The following NKAIN2 variants were observed in gnomAD, a reference collection of about 807,000 sequenced individuals.
NKAIN2 encodes the protein sodium/potassium-transporting ATPase subunit beta-1-interacting protein 2.
Under a neutral mutation model 32.6 loss-of-function variants are expected in NKAIN2, and 14 were observed. The ratio of observed to expected loss-of-function variants is 0.43; its 90% CI spans 0.28 to 0.67. NKAIN2 has a LOEUF of 0.67. Among genes scored for constraint, NKAIN2 ranks in the 30% least tolerant of loss-of-function variants. The pLI is 0.17. For missense variants in NKAIN2, 198 were observed against 258.3 expected, an observed-to-expected ratio of 0.77 and a Z score of 1.60; for synonymous variants, 80 against 87.2, an observed-to-expected ratio of 0.92 and a Z score of 0.46.
intron 3 of NKAIN2, among the ~76,000 whole-genome samples, chr6:124,442,939 G>A (rs752318797): frequency 6.6e-6 from 1 of 152,076 alleles, no homozygotes; most frequent in Non-Finnish European, 1.5e-5. Context: ...GCCTAGTTCT[G>A]TTTTAGACTC....
intron 4 of NKAIN2, among the ~76,000 whole-genome samples, chr6:124,664,187 A>T (rs1772647293): frequency 6.6e-6 from 1 of 151,942 alleles, no homozygotes. Flanking sequence ...AGGCAGGAGA[A>T]TTGCCTGGAC....
chr6:124,746,537 A>G (rs1301734427), intron 4 of NKAIN2, among the ~76,000 whole-genome samples: 2 of 151,914 alleles, frequency 1.3e-5, no homozygotes, highest in Non-Finnish European at 2.9e-5. Context: ...ACATTGAATA[A>G]AAGAAGAGAA....
At chr6:124,295,384 G>T (rs771346222) in intron 2 of NKAIN2, among the ~76,000 whole-genome samples, 11 of 152,070 alleles carry the variant, frequency 7.2e-5, no homozygotes, top group African/African-American at 2.2e-4. Flanking sequence ...CTGTGAACAC[G>T]TTGAGAGGTT....
At chr6:124,023,080 A>ATG (rs199648707) in intron 1 of NKAIN2, among the ~76,000 whole-genome samples, 36 of 150,816 alleles carry the variant, frequency 2.4e-4, no homozygotes, top group Non-Finnish European at 3.8e-4. Flanking sequence ...ATATATATAT[A>ATG]TGTGTGTGTA....
intron 3 of NKAIN2, among the ~76,000 whole-genome samples, chr6:124,653,842 T>A (rs1784449618): frequency 6.6e-6 from 1 of 152,104 alleles, no homozygotes; most frequent in African/African-American, 2.4e-5. Flanking sequence ...GGCAAAGAAC[T>A]CTTAAAACTC....
intron 4 of NKAIN2, among the ~76,000 whole-genome samples, chr6:124,719,697 C>A (rs541470026): frequency 6.7e-6 from 1 of 148,520 alleles, no homozygotes; most frequent in Admixed American, 6.8e-5. Context: ...GAGCCAGATA[C>A]TTCTGTTCAT....
intron 1 of NKAIN2, among the ~76,000 whole-genome samples, chr6:123,939,379 T>G (rs9491010): frequency 0.012 from 1,778 of 151,984 alleles, 28 homozygotes; most frequent in African/African-American, 0.04. Context: ...GTGGACCCAT[T>G]TACATATCCT....
chr6:124,523,136 C>G (rs1224761693), intron 3 of NKAIN2, among the ~76,000 whole-genome samples: 1 of 15,924 alleles, frequency 6.3e-5, no homozygotes, highest in Non-Finnish European at 2.1e-3. Context: ...GAGCGAGACT[C>G]CGTCTCAAAA....
intron 4 of NKAIN2, among the ~76,000 whole-genome samples, chr6:124,680,927 C>A (rs1261016663): frequency 6.6e-6 from 1 of 151,736 alleles, no homozygotes; most frequent in Non-Finnish European, 1.5e-5. Flanking sequence ...CTACTTAGTA[C>A]TTTTCTTAAT....
At chr6:124,798,308 C>G (rs1402982693) in intron 5 of NKAIN2, among the ~76,000 whole-genome samples, 1 of 152,126 alleles carries the variant, frequency 6.6e-6, no homozygotes, top group Non-Finnish European at 1.5e-5. Flanking sequence ...TTTTACTTAT[C>G]TGGCATCATA....
At chr6:124,365,559 A>G (rs917054609) in intron 3 of NKAIN2, among the ~76,000 whole-genome samples, 1 of 151,976 alleles carries the variant, frequency 6.6e-6, no homozygotes, top group Non-Finnish European at 1.5e-5. Context: ...ATAGAATTAA[A>G]AGGAGAAATA....
At chr6:124,348,666 C>T (rs961260056) in intron 2 of NKAIN2, among the ~76,000 whole-genome samples, 37 of 152,204 alleles carry the variant, frequency 2.4e-4, no homozygotes, top group Non-Finnish European at 3.4e-4. Context: ...CCAGCATGAG[C>T]GACGCAGAAG....
At chr6:124,469,373 C>T (rs1343088103) in intron 3 of NKAIN2, among the ~76,000 whole-genome samples, 1 of 152,086 alleles carries the variant, frequency 6.6e-6, no homozygotes, top group Non-Finnish European at 1.5e-5. Flanking sequence ...GTTTCTTTTT[C>T]AGGATAGTCA....
chr6:124,432,264 TA>T (rs1370318961), intron 3 of NKAIN2, among the ~76,000 whole-genome samples: 1 of 152,166 alleles, frequency 6.6e-6, no homozygotes, highest in African/African-American at 2.4e-5. Context: ...AAAGACAGTT[TA>T]ATCTGTAATG....
At chr6:124,805,373 G>A (rs1018609289) in intron 5 of NKAIN2, among the ~76,000 whole-genome samples, 95 of 152,282 alleles carry the variant, frequency 6.2e-4, no homozygotes, top group Non-Finnish European at 9.6e-4. Flanking sequence ...CTGACACCCA[G>A]GCAAACAGGG....
rs190247321 is a variant in NKAIN2 at position 123,840,312 on chromosome 6, C to T, written c.54+36058C>T. 5.2e-3 allele frequency among the ~76,000 whole-genome samples: 791 copies of T among 151,968 alleles called. 3 individuals carry two copies. The highest frequency in any genetic ancestry group is 0.018 in the African/African-American group (745 of 41,484). On this transcript the variant is annotated intron_variant, in intron 1 of 6. Coordinates refer to ENST00000368417, the MANE Select transcript of NKAIN2 (RefSeq NM_001040214.3). Reference sequence around the variant, plus strand: ...ATAAAAGTCATATTCAGAAGATTTACGTATAAATTTATATCTCTTCTGCCA... The same window carrying T: ...ATAAAAGTCATATTCAGAAGATTTATGTATAAATTTATATCTCTTCTGCCA...
intron 1 of NKAIN2, among the ~76,000 whole-genome samples, chr6:124,062,053 A>G (rs903247512): frequency 6.6e-6 from 1 of 152,188 alleles, no homozygotes; most frequent in African/African-American, 2.4e-5. Flanking sequence ...CCAATGTTAT[A>G]CTTTTAAAAC....
intron 3 of NKAIN2, among the ~76,000 whole-genome samples, chr6:124,451,623 A>T (rs1025268492): frequency 6.6e-6 from 1 of 152,200 alleles, no homozygotes; most frequent in Non-Finnish European, 1.5e-5. Flanking sequence ...GCCAGTGAGT[A>T]TGTGCAACTT....
intron 5 of NKAIN2, among the ~76,000 whole-genome samples, chr6:124,797,821 C>T (rs1277594567): frequency 6.6e-6 from 1 of 151,968 alleles, no homozygotes; most frequent in Non-Finnish European, 1.5e-5. Flanking sequence ...GACATGGGAG[C>T]AGGGAAAACT....
Sources: allele counts gnomAD v4.1 joint callset (sites outside exome capture counted in the v4.1 genomes callset), GRCh38; gene constraint gnomAD v4.1.1; transcripts MANE v1.5; gene names NCBI Gene and HGNC (gene_info 2026-07-23, HGNC 2026-07-21).